COL13A1: variants seen among roughly 807,000 people sequenced by gnomAD.
COL13A1 encodes collagen type XIII alpha 1 chain.
A neutral mutation model predicts 130.9 loss-of-function variants in COL13A1; 89 were observed. That is an observed-to-expected ratio of 0.68 (90% CI 0.57 to 0.81). The LOEUF (loss-of-function observed/expected upper bound fraction) is 0.81, where lower values mean the gene tolerates loss of function less well. Among genes scored for constraint, COL13A1 ranks in the 30% least tolerant of loss-of-function variants. The probability of loss-of-function intolerance (pLI) is 0.00; values close to 1 mark genes in which losing one functional copy is unlikely to be tolerated. For missense variants in COL13A1, 879 were observed against 934.6 expected (o/e 0.94, Z 0.78); for synonymous variants, 402 against 341.6 (o/e 1.18, Z -1.95).
In COL13A1 at chr10:69,802,061, A is replaced by G; in HGVS notation, c.-363A>G. 5.2e-6 allele frequency: 1 copy of G among 191,370 alleles called. No homozygotes were observed. Among genetic ancestry groups the G allele is most frequent in the Non-Finnish European group, 1.1e-5 (1 of 94,708 alleles). 11.9% of individuals were successfully genotyped at this position (191,370 alleles called of 1,614,324 possible). A position where few individuals can be genotyped will look rare whatever the true frequency, so the allele number is the denominator to read the frequency against. On this transcript the variant is annotated 5_prime_UTR_variant, in exon 1 of 41. Coordinates refer to ENST00000645393, the MANE Select transcript of COL13A1 (RefSeq NM_001368882.1). Reference sequence around the variant, plus strand: ...ACTGAAACTGACTGGCCCGGGAGACACGAGGCGCCCAGAAGGACTGACAGC... The same window carrying G: ...ACTGAAACTGACTGGCCCGGGAGACGCGAGGCGCCCAGAAGGACTGACAGC...
chr10:69,803,576 G>A (rs951634748), intron 1 of COL13A1, among the ~76,000 whole-genome samples: 2 of 152,198 alleles, frequency 1.3e-5, no homozygotes, highest in Admixed American at 1.3e-4. Context: ...TAGAGAGGAG[G>A]ACAGGCAGGT....
chr10:69,949,851 A>C (rs538762347), intron 38 of COL13A1, among the ~76,000 whole-genome samples: 29 of 150,896 alleles, frequency 1.9e-4, no homozygotes, highest in South Asian at 1.1e-3. Flanking sequence ...GCCAGCTGAA[A>C]AGGTCTGTGT....
At chr10:69,926,761 A>C (rs2065416533) in intron 26 of COL13A1, among the ~76,000 whole-genome samples, 1 of 152,226 alleles carries the variant, frequency 6.6e-6, no homozygotes, top group African/African-American at 2.4e-5. Context: ...AGAAAGAATA[A>C]GAGGTGGTGC....
At chr10:69,874,451 AC>A (rs1468457463) in intron 4 of COL13A1, among the ~76,000 whole-genome samples, 3 of 152,216 alleles carry the variant, frequency 2.0e-5, no homozygotes, top group Non-Finnish European at 4.4e-5. Context: ...AGGGGGAGGA[AC>A]AAAACTTAAT....
At chr10:69,878,400 G>C (rs1311394912) in intron 6 of COL13A1, among the ~76,000 whole-genome samples, 2 of 152,210 alleles carry the variant, frequency 1.3e-5, no homozygotes, top group Non-Finnish European at 2.9e-5. Flanking sequence ...CTATGGAATA[G>C]AGCCCCCCTG....
At chr10:69,850,377 C>T (rs1447345934) in intron 2 of COL13A1, among the ~76,000 whole-genome samples, 1 of 52,274 alleles carries the variant, frequency 1.9e-5, no homozygotes, top group African/African-American at 5.4e-5. Flanking sequence ...GGCCCTGTCT[C>T]TAGTGGGATG....
chr10:69,816,014 A>T (rs1398931834), intron 1 of COL13A1, among the ~76,000 whole-genome samples: 1 of 151,638 alleles, frequency 6.6e-6, no homozygotes, highest in Non-Finnish European at 1.5e-5. Context: ...GGAAGAGAAC[A>T]CCCAGGCAGA....
Position 69,923,850 on chromosome 10 carries a change from G to A in COL13A1, c.1279G>A (p.Asp427Asn). ...GQVGPPGQPG[D>N]KGERGAAGEQ... ...GGTTGGCCCCCCAGGGCAGCCAGGA[G>A]ACAAGGTACAGAGACCCCCACATCC... Residue 427 changes from aspartate (D) to asparagine (N), a missense_variant, in exon 24 of 41, where the codon GAC (aspartate) becomes AAC (asparagine). This residue lies in a region of COL13A1 where 715 missense variants were observed against 721.0 expected (regional missense o/e 0.99). Transcript: ENST00000645393. 1 of 1,611,958 alleles carries A rather than the reference G, an allele frequency of 6.2e-7. No homozygotes were observed. Among genetic ancestry groups the A allele is most frequent in the Non-Finnish European group, 8.5e-7 (1 of 1,179,256 alleles).
Position 69,952,090 on chromosome 10 carries a change from A to T in COL13A1, c.2059-792A>T, listed in dbSNP as rs1391306988. Among the ~76,000 whole-genome samples the T allele has an allele frequency of 3.3e-5, 5 of 152,248 alleles. No homozygotes were observed. The East Asian group carries it at 9.6e-4, about 29-fold the overall frequency. ...ACTGTAGCTTTTCAGAAACAAATGA[A>T]TTCCTTAAACCAACATATTCATATA... is the stretch of plus-strand genomic sequence containing the variant. On this transcript the variant is annotated intron_variant, in intron 38 of 40. Coordinates refer to ENST00000645393, the MANE Select transcript of COL13A1 (RefSeq NM_001368882.1).
chr10:69,888,212 C>T lies in COL13A1; in HGVS notation c.550-92C>T. The T allele has an allele frequency of 2.0e-6, 3 of 1,476,542 alleles. No individual in the cohort carries two copies. The South Asian group carries it at 3.6e-5, about 18-fold the overall frequency. 91.5% of individuals were successfully genotyped at this position (1,476,542 alleles called of 1,614,324 possible). On this transcript the variant is annotated intron_variant, in intron 8 of 40. Coordinates refer to ENST00000645393, the MANE Select transcript of COL13A1 (RefSeq NM_001368882.1). ...GCCTTGAGCTCCAACTTATCAGAAT[C>T]CAGAATCTGTGCTTTTCCCCACTGC...
rs771315106 is a variant in COL13A1, at chr10:69,925,811, A to C, written c.1337A>C (p.Lys446Thr). The change falls in exon 26 of 41, where the codon AAG (lysine) becomes ACG (threonine). Residue 446 changes from lysine (K) to threonine (T), a missense_variant. By Grantham distance (78) the Lys-to-Thr change is moderately conservative. Coordinates refer to ENST00000645393, the MANE Select transcript of COL13A1 (RefSeq NM_001368882.1). ...ATCTCATTTGCCTTCCAGGGCTCCA[A>C]GGGAGAACCAGGGAAAGGAGAGATG... ...EQGPDGPKGSKGEPGKGEMVD... is the reference protein window; with the variant it reads ...EQGPDGPKGSTGEPGKGEMVD... 6.3e-7 allele frequency: 1 copy of C among 1,597,760 alleles called. No individual in the cohort carries two copies. Among genetic ancestry groups the C allele is most frequent in the Admixed American group, 1.7e-5 (1 of 57,946 alleles).
chr10:69,947,429 T>C, intron 38 of COL13A1, 87 bp downstream of exon 38: 1 of 1,295,086 alleles, frequency 7.7e-7, no homozygotes, highest in Non-Finnish European at 1.1e-6. Flanking sequence ...CTGACCAACA[T>C]GGCGAACAGT....
At chr10:69,857,219 C>T (rs775373737) in intron 2 of COL13A1, among the ~76,000 whole-genome samples, 1 of 152,192 alleles carries the variant, frequency 6.6e-6, no homozygotes, top group Non-Finnish European at 1.5e-5. Context: ...CAGGGGCCCA[C>T]GGAAGTAAGA....
chr10:69,876,627 C>T (rs1238656382), intron 5 of COL13A1, among the ~76,000 whole-genome samples: 2 of 152,214 alleles, frequency 1.3e-5, no homozygotes, highest in Non-Finnish European at 2.9e-5. Flanking sequence ...TGAGTCCTCC[C>T]AAGCCGTCAC....
chr10:69,863,062 G>A (rs1858651932), intron 2 of COL13A1, among the ~76,000 whole-genome samples: 1 of 152,222 alleles, frequency 6.6e-6, no homozygotes, highest in African/African-American at 2.4e-5. Context: ...TAGGGACTGA[G>A]GCACGGGAGG....
chr10:69,869,599 G>A (rs2395275), intron 3 of COL13A1, among the ~76,000 whole-genome samples: 36,664 of 152,156 alleles, frequency 0.24, 4,480 homozygotes, highest in Middle Eastern at 0.3. Flanking sequence ...GATTAAAGCT[G>A]CAGCAGGAAC....
At chr10:69,846,433 G>A (rs1035784216) in intron 2 of COL13A1, among the ~76,000 whole-genome samples, 7 of 152,264 alleles carry the variant, frequency 4.6e-5, no homozygotes, top group Admixed American at 2.6e-4. Flanking sequence ...CCAGCACTGC[G>A]ACAGACGGCC....
chr10:69,852,037 T>C (rs1854994608), intron 2 of COL13A1, among the ~76,000 whole-genome samples: 1 of 152,210 alleles, frequency 6.6e-6, no homozygotes, highest in African/African-American at 2.4e-5. Context: ...AGGATTTTTT[T>C]CTGTTTCCCA....
chr10:69,895,173 C>T (rs1366033625), intron 12 of COL13A1, among the ~76,000 whole-genome samples: 4 of 152,242 alleles, frequency 2.6e-5, no homozygotes, highest in Non-Finnish European at 5.9e-5. Context: ...CTTGGGACCC[C>T]CATGGTGCCG....
Sources: gnomAD v4.1 joint callset for allele counts (sites outside exome capture counted in the v4.1 genomes callset) on GRCh38, gnomAD v4.1.1 for gene constraint, gnomAD v4.1.1 regional missense constraint, MANE v1.5 for transcripts, NCBI Gene and HGNC (gene_info 2026-07-23, HGNC 2026-07-21) for gene names.